The following MGST1 variants were observed in gnomAD, a reference collection of about 807,000 sequenced individuals.
MGST1 encodes the protein glutathione S-transferase 12.
MGST1 carries 5 observed loss-of-function variants against 8.9 expected under a neutral mutation model. That is an observed-to-expected ratio of 0.56 (90% CI 0.29 to 1.19). The LOEUF is 1.19. MGST1 is among the 50% of genes most tolerant of loss of function. MGST1 has a pLI of 0.08. For synonymous variants in MGST1, 54 were observed against 67.8 expected (o/e 0.80, Z 1.00); for missense variants, 182 against 187.4 (o/e 0.97, Z 0.17).
intron 4 of MGST1, among the ~76,000 whole-genome samples, chr12:16,490,482 GGTT>G (rs1941431402): frequency 6.6e-6 from 1 of 152,138 alleles, no homozygotes; most frequent in South Asian, 2.1e-4. Flanking sequence ...AATATTTGCA[GGTT>G]GTTTTTTTAC....
intron 4 of MGST1, among the ~76,000 whole-genome samples, chr12:16,449,205 C>G (rs34407): frequency 1 from 151,582 of 152,026 alleles, 75,571 homozygotes; most frequent in Middle Eastern, 1. Flanking sequence ...ATTTGCTTCT[C>G]GTGAGGGTCT....
intron 1 of MGST1, among the ~76,000 whole-genome samples, chr12:16,437,231 A>C (rs1298306467): frequency 1.3e-5 from 2 of 151,980 alleles, no homozygotes; most frequent in Non-Finnish European, 1.5e-5. Context: ...CTAATCAACA[A>C]AAGGGTATGC....
At chr12:16,525,067 G>C (rs989978509) in intron 4 of MGST1, among the ~76,000 whole-genome samples, 27 of 151,826 alleles carry the variant, frequency 1.8e-4, no homozygotes, top group African/African-American at 6.5e-4. Flanking sequence ...TCTCATGCTA[G>C]GTTTTATTCC....
intron 1 of MGST1, chr12:16,350,832 C>T (rs943571834): frequency 3.3e-5 from 5 of 152,172 alleles, no homozygotes; most frequent in Non-Finnish European, 5.9e-5. Flanking sequence ...TGGCCAGTCT[C>T]CCAAACCCAC....
chr12:16,477,460 G>C (rs1050421031), intron 4 of MGST1, among the ~76,000 whole-genome samples: 5 of 152,128 alleles, frequency 3.3e-5, no homozygotes, highest in Non-Finnish European at 5.9e-5. Flanking sequence ...AACACAAATA[G>C]AATCCTCCCT....
chr12:16,402,869 A>G (rs1940669338), intron 1 of MGST1, among the ~76,000 whole-genome samples: 1 of 150,520 alleles, frequency 6.6e-6, no homozygotes, highest in Admixed American at 6.6e-5. Flanking sequence ...TCTTCTTTAT[A>G]GAAAGAAGTA....
At chr12:16,372,939 AT>A (rs1171941509) in intron 3 of MGST1, among the ~76,000 whole-genome samples, 1 of 141,762 alleles carries the variant, frequency 7.1e-6, no homozygotes, top group East Asian at 2.1e-4. Context: ...TGTATATTTT[AT>A]ATTATATATT....
rs1400021062 is a variant in MGST1, at chr12:16,500,443, T to C, written n.483-89085T>C. Among the ~76,000 whole-genome samples, 1 of 152,218 alleles carries C rather than the reference T, an allele frequency of 6.6e-6. No homozygotes were observed. The highest frequency in any genetic ancestry group is 1.5e-5 in the Non-Finnish European group (1 of 68,028). On this transcript the variant is annotated intron_variant and non_coding_transcript_variant, in intron 4 of 4. Coordinates refer to the MGST1 transcript ENST00000538857. The surrounding 1 kb of genome is among the most constrained non-coding windows in gnomAD (Gnocchi z 4.3). ...GCAGTTTCAACTCTTTTAATTAGAA[T>C]TTATTTTTAGATATTTAGATTACAT...
In MGST1 at chr12:16,582,776, G is replaced by A. The variant is rs150372214; in HGVS notation, n.483-6752G>A. 0.013 allele frequency among the ~76,000 whole-genome samples: 1,995 copies of A among 152,240 alleles called. 23 individuals are homozygous for A. The highest frequency in any genetic ancestry group is 0.037 in the Middle Eastern group (11 of 294). On this transcript the variant is annotated intron_variant and non_coding_transcript_variant, in intron 4 of 4. Transcript: ENST00000538857. The surrounding 1 kb of genome is among the most constrained non-coding windows in gnomAD (Gnocchi z 4.1). ...AAAGAATCAGAACTAGGCCGGGCACGGTGGCCCATGCCTGTAATCCCAGCA... is the reference window on the plus strand; with the variant it reads ...AAAGAATCAGAACTAGGCCGGGCACAGTGGCCCATGCCTGTAATCCCAGCA...
At chr12:16,550,194 C>T (rs1042504891) in intron 4 of MGST1, 1 of 152,168 alleles carries the variant, frequency 6.6e-6, no homozygotes, top group African/African-American at 2.4e-5. Flanking sequence ...AGTAGATTCA[C>T]ACTCAAATCT....
chr12:16,416,427 A>G (rs963257229), intron 1 of MGST1, among the ~76,000 whole-genome samples: 9 of 152,164 alleles, frequency 5.9e-5, no homozygotes, highest in Admixed American at 3.3e-4. Flanking sequence ...TCTAGATACC[A>G]TAACCTGGAG....
intron 3 of MGST1, chr12:16,360,548 A>G (rs1939941907): frequency 6.1e-6 from 1 of 163,080 alleles, no homozygotes; most frequent in Non-Finnish European, 1.3e-5. Flanking sequence ...ATATTTATTT[A>G]TTTATTTAAT....
intron 4 of MGST1, among the ~76,000 whole-genome samples, chr12:16,563,630 T>TTA (rs1358660648): frequency 2.0e-5 from 3 of 152,306 alleles, no homozygotes; most frequent in Non-Finnish European, 4.4e-5. Context: ...GTTTATAAAG[T>TTA]TATCATAGAT....
intron 4 of MGST1, among the ~76,000 whole-genome samples, chr12:16,579,133 T>C (rs986492833): frequency 6.6e-6 from 1 of 152,190 alleles, no homozygotes; most frequent in African/African-American, 2.4e-5. Flanking sequence ...GGGATTTTTT[T>C]TTGAAGAGAA....
At chr12:16,422,002 C>T (rs924798757) in intron 1 of MGST1, among the ~76,000 whole-genome samples, 7 of 152,134 alleles carry the variant, frequency 4.6e-5, no homozygotes, top group African/African-American at 7.2e-5. Context: ...GCAGCAGTGT[C>T]GCTGGTTAGA....
At chr12:16,561,049 A>G (rs1478391816) in intron 4 of MGST1, among the ~76,000 whole-genome samples, 1 of 152,188 alleles carries the variant, frequency 6.6e-6, no homozygotes, top group Admixed American at 6.5e-5. Context: ...CATGCACCTT[A>G]TGGCTCTATA....
intron 4 of MGST1, among the ~76,000 whole-genome samples, chr12:16,573,276 A>G (rs1942882155): frequency 6.6e-6 from 1 of 152,208 alleles, no homozygotes; most frequent in Admixed American, 6.5e-5. Flanking sequence ...ATTTAAAATC[A>G]TTAGTGAATG....
chr12:16,466,218 GC>G (rs1941254211), intron 4 of MGST1, among the ~76,000 whole-genome samples: 1 of 152,166 alleles, frequency 6.6e-6, no homozygotes, highest in South Asian at 2.1e-4. Context: ...GCTGTACTGA[GC>G]CTCGAAGGAG....
chr12:16,422,375 C>T (rs985759596), intron 1 of MGST1, among the ~76,000 whole-genome samples: 1 of 152,196 alleles, frequency 6.6e-6, no homozygotes, highest in Non-Finnish European at 1.5e-5. Flanking sequence ...ACTTTCAGGG[C>T]CACTTCTCAG....
Sources: allele counts gnomAD v4.1 joint callset (sites outside exome capture counted in the v4.1 genomes callset), GRCh38; gene constraint gnomAD v4.1.1; non-coding constraint Gnocchi (gnomAD v3.1); transcripts MANE v1.5; gene names NCBI Gene and HGNC (gene_info 2026-07-23, HGNC 2026-07-21).